Variants in KIF26B observed in about 807,000 individuals in gnomAD.
The protein encoded by KIF26B is kinesin family member 26B, also known as kinesin-like protein KIF26B.
In KIF26B, 63 loss-of-function variants were observed where a neutral mutation model predicts 151.2. The observed-to-expected ratio is 0.42, with a 90% CI of 0.34 to 0.51. The LOEUF is 0.51. Ranked by LOEUF, KIF26B falls within the 20% of genes least tolerant of loss-of-function variation. The probability of loss-of-function intolerance (pLI) is 0.07; values close to 1 mark genes in which losing one functional copy is unlikely to be tolerated. For missense variants in KIF26B, 2,813 were observed against 2,913.6 expected (o/e 0.97, Z 0.79); for synonymous variants, 1,357 against 1,262.1 (o/e 1.08, Z -1.59).
intron 9 of KIF26B, among the ~76,000 whole-genome samples, chr1:245,619,249 T>C (rs1393148278): frequency 3.9e-5 from 6 of 152,016 alleles, no homozygotes; most frequent in African/African-American, 7.3e-5. Context: ...TATTAGACTA[T>C]GGGTTCCTTG....
At chr1:245,591,205 G>A (rs535473440) in intron 5 of KIF26B, among the ~76,000 whole-genome samples, 4 of 152,204 alleles carry the variant, frequency 2.6e-5, no homozygotes, top group South Asian at 4.1e-4. Context: ...CATTATTATC[G>A]CCATTTTACT....
rs1422100979 is a variant in KIF26B, at chr1:245,684,329, C to T, written c.2355C>T (p.Tyr785=). ...IAHISAAVGS[Y]AETLSTIQIA... is the part of the protein sequence containing the mutation. Reference sequence around the variant, plus strand: ...ACATCTCGGCCGCGGTCGGGAGCTACGCGGAGACCCTGTCCACCATCCAGA... The same window carrying T: ...ACATCTCGGCCGCGGTCGGGAGCTATGCGGAGACCCTGTCCACCATCCAGA... The change falls in exon 11 of 15, where the codon TAC becomes TAT. Residue 785 remains tyrosine, a synonymous_variant. Transcript: ENST00000407071. 19 of 1,613,856 alleles carry T rather than the reference C, an allele frequency of 1.2e-5. No homozygotes were observed. Among genetic ancestry groups the T allele is most frequent in the East Asian group, 6.7e-5 (3 of 44,854 alleles).
At position 245,303,433 on chromosome 1, in the gene KIF26B, C is replaced by G. The variant is rs189738309; in HGVS notation, c.466-63401C>G. On this transcript the variant is annotated intron_variant, in intron 2 of 14. Coordinates refer to ENST00000407071, the MANE Select transcript of KIF26B (RefSeq NM_018012.4). ...CAGGATGGTCTCGATCTCCTGACCT[C>G]GTGATCCGCCCGCCTCGGCCTCCCA... 3.9e-3 allele frequency among the ~76,000 whole-genome samples: 586 copies of G among 150,788 alleles called. 3 individuals carry two copies. Among genetic ancestry groups the G allele is most frequent in the Middle Eastern group, 0.01 (3 of 294 alleles).
intron 4 of KIF26B, among the ~76,000 whole-genome samples, chr1:245,529,925 C>A (rs531206244): frequency 6.6e-6 from 1 of 152,224 alleles, no homozygotes; most frequent in South Asian, 2.1e-4. Flanking sequence ...AACTATCCAT[C>A]TGACAAGGGA....
rs765860272 is a variant in KIF26B at position 245,685,629 on chromosome 1, C to T, written c.2646C>T (p.Asp882=). 1.2e-5 allele frequency: 20 copies of T among 1,613,486 alleles called. No individual in the cohort carries two copies. Among genetic ancestry groups the T allele is most frequent in the Admixed American group, 1.7e-5 (1 of 60,014 alleles). The change falls in exon 12 of 15, where the codon GAC becomes GAT. Residue 882 remains aspartate, a synonymous_variant. Coordinates refer to ENST00000407071, the MANE Select transcript of KIF26B (RefSeq NM_018012.4). ...GTALSDKELT[D]NEGPPDFVPI... The stretch of plus-strand genomic sequence containing the variant: ...CCCTCTCTGACAAGGAGCTCACCGA[C>T]AACGAGGGCCCCCCAGACTTTGTCC...
chr1:245,184,050 G>GTTTTGTTTTGTTTTTTTTTTTTTTTTT (rs1553332273), intron 2 of KIF26B, among the ~76,000 whole-genome samples: 1 of 19,804 alleles, frequency 5.0e-5, no homozygotes, highest in Non-Finnish European at 9.9e-5. Flanking sequence ...GGGAGTTGTT[G>GTTTTGTTTTGTTTTTTTTTTTTTTTTT]TTTTTTTTTT....
intron 3 of KIF26B, among the ~76,000 whole-genome samples, chr1:245,407,179 G>C (rs554376220): frequency 1.3e-5 from 2 of 152,284 alleles, no homozygotes; most frequent in East Asian, 3.9e-4. Context: ...TTCATCTTCT[G>C]GTGCCCCAGA....
chr1:245,557,467 A>G (rs1662067488), intron 5 of KIF26B, among the ~76,000 whole-genome samples: 1 of 152,174 alleles, frequency 6.6e-6, no homozygotes, highest in South Asian at 2.1e-4. Context: ...TTATCTGCAA[A>G]ACAGGAAAAC....
At chr1:245,640,042 A>G (rs1185278991) in intron 9 of KIF26B, among the ~76,000 whole-genome samples, 1 of 149,210 alleles carries the variant, frequency 6.7e-6, no homozygotes, top group Non-Finnish European at 1.5e-5. Context: ...TGATCCACCT[A>G]TTGCCAAAAG....
chr1:245,445,522 GA>G (rs1421010877), intron 4 of KIF26B, among the ~76,000 whole-genome samples: 3 of 152,196 alleles, frequency 2.0e-5, no homozygotes, highest in Non-Finnish European at 4.4e-5. Context: ...ACGTGGGGGG[GA>G]TACACATGGA....
At chr1:245,499,125 A>G (rs548280988) in intron 4 of KIF26B, among the ~76,000 whole-genome samples, 2 of 152,280 alleles carry the variant, frequency 1.3e-5, no homozygotes, top group South Asian at 4.2e-4. Flanking sequence ...GATGTCAAGC[A>G]GCTCATGTTA....
At chr1:245,323,934 A>ATGGGTGGTTGGAGGTGGAGGTGGGGTG (rs1671934494) in intron 2 of KIF26B, among the ~76,000 whole-genome samples, 1 of 110,822 alleles carries the variant, frequency 9.0e-6, no homozygotes, top group African/African-American at 3.4e-5. Context: ...GAGGTGGGGT[A>ATGGGTGGTTGGAGGTGGAGGTGGGGTG]GACCCTTATG....
Position 245,572,936 on chromosome 1 carries a change from T to C in KIF26B, c.1351-29641T>C, listed in dbSNP as rs1417966317. Among the ~76,000 whole-genome samples, 1 of 152,220 alleles carries C rather than the reference T, an allele frequency of 6.6e-6. No individual in the cohort carries two copies. The highest frequency in any genetic ancestry group is 1.5e-5 in the Non-Finnish European group (1 of 68,044). ...CCTCACCTCCTCCTGCCACCTGCTC[T>C]GAACAGATTCTGTAGCGTAAAATTC... On this transcript the variant is annotated intron_variant, in intron 5 of 14. Transcript: ENST00000407071. The surrounding 1 kb of genome is among the most constrained non-coding windows in gnomAD (Gnocchi z 4.2).
intron 3 of KIF26B, among the ~76,000 whole-genome samples, chr1:245,374,372 C>G (rs985179574): frequency 2.6e-5 from 4 of 151,488 alleles, no homozygotes; most frequent in African/African-American, 9.7e-5. Flanking sequence ...AAAGCAGAAG[C>G]GTGTGTTCTA....
chr1:245,481,755 A>T (rs1285771145), intron 4 of KIF26B, among the ~76,000 whole-genome samples: 1 of 151,704 alleles, frequency 6.6e-6, no homozygotes, highest in Non-Finnish European at 1.5e-5. Flanking sequence ...ATCATTACTG[A>T]GTGCTAAGCT....
At chr1:245,689,706 C>T (rs1024310052) in intron 12 of KIF26B, among the ~76,000 whole-genome samples, 6 of 152,080 alleles carry the variant, frequency 3.9e-5, no homozygotes, top group African/African-American at 1.4e-4. Flanking sequence ...TACAAGCGTG[C>T]ACCACCGTGC....
rs567833879 is a variant in KIF26B, at chr1:245,424,458, G to A, written c.1166+4713G>A. The stretch of plus-strand genomic sequence containing the variant: ...ACTAATAAACATTGTATATATTTAC[G>A]GAGTAAAATATGTTTTGAAATATGT... On this transcript the variant is annotated intron_variant, in intron 4 of 14. Transcript: ENST00000407071. Among the ~76,000 whole-genome samples the A allele has an allele frequency of 3.6e-4, 55 of 152,270 alleles. 1 individual carries two copies. The South Asian group carries it at 5.4e-3, about 15-fold the overall frequency.
In KIF26B at chr1:245,686,110, C is replaced by T; in HGVS notation, c.3127C>T (p.Leu1043Phe). 3 of 1,609,678 alleles carry T rather than the reference C, an allele frequency of 1.9e-6. No homozygotes were observed. Among genetic ancestry groups the T allele is most frequent in the South Asian group, 2.2e-5 (2 of 90,702 alleles). ...SASPLVQSPS[L>F]QSSRESLNSC... ...CTCCCCACTCGTGCAGAGCCCCAGCCTCCAGAGCAGCCGGGAGAGCCTCAA... is the reference window on the plus strand; with the variant it reads ...CTCCCCACTCGTGCAGAGCCCCAGCTTCCAGAGCAGCCGGGAGAGCCTCAA... Residue 1043 changes from leucine to phenylalanine, a missense_variant, in exon 12 of 15, where the codon CTC (leucine) becomes TTC (phenylalanine). This residue lies in a region of KIF26B where 2,060 missense variants were observed against 2,088.6 expected (regional missense o/e 0.99). Transcript: ENST00000407071. This position sits in a 1 kb window ranked among gnomAD's most constrained non-coding sequence, Gnocchi z 5.6.
At chr1:245,399,282 G>A (rs114725295) in intron 3 of KIF26B, among the ~76,000 whole-genome samples, 188 of 152,090 alleles carry the variant, frequency 1.2e-3, no homozygotes, top group Non-Finnish European at 1.8e-3. Context: ...TCATCCTTTC[G>A]TTCACTTGAA....
Sources: allele counts gnomAD v4.1 joint callset (sites outside exome capture counted in the v4.1 genomes callset), GRCh38; gene constraint gnomAD v4.1.1; regional missense constraint gnomAD v4.1.1; non-coding constraint Gnocchi (gnomAD v3.1); transcripts MANE v1.5; gene names NCBI Gene and HGNC (gene_info 2026-07-23, HGNC 2026-07-21).